Variants in NEK9 observed in about 807,000 individuals in gnomAD.
NEK9 encodes the protein serine/threonine-protein kinase Nek9.
A neutral mutation model predicts 123.4 loss-of-function variants in NEK9; 75 were observed. The ratio of observed to expected loss-of-function variants is 0.61; its 90% CI spans 0.50 to 0.74. NEK9 has a LOEUF of 0.74. Among genes scored for constraint, NEK9 ranks in the 30% least tolerant of loss-of-function variants. The pLI, the probability that NEK9 is intolerant of heterozygous loss-of-function variation, is 0.00. For synonymous variants in NEK9, 438 were observed against 458.7 expected (o/e 0.95, Z 0.58); for missense variants, 952 against 1,214.4 (o/e 0.78, Z 3.21).
chr14:75,103,233 AATTTGCTAAC>A (rs1424164422), intron 14 of NEK9, among the ~76,000 whole-genome samples: 1 of 152,108 alleles, frequency 6.6e-6, no homozygotes, highest in Non-Finnish European at 1.5e-5. Flanking sequence ...ATCAGTGGTG[AATTTGCTAAC>A]ATTTTTGAAG....
intron 12 of NEK9, 156 bp from the exon 13 acceptor site, chr14:75,106,152 G>C (rs1247131554): frequency 1.5e-6 from 1 of 682,330 alleles, no homozygotes; most frequent in Non-Finnish European, 2.6e-6. Context: ...TCAGAAGTTC[G>C]AGCGAGACAA....
chr14:75,109,646 G>C, intron 10 of NEK9, 39 bp downstream of exon 10: 1 of 1,572,298 alleles, frequency 6.4e-7, no homozygotes, highest in South Asian at 1.1e-5. Context: ...AAACAATTAG[G>C]CTTACAGCAC....
chr14:75,117,162 T>C (rs774093557), intron 6 of NEK9, 33 bp downstream of exon 6: 1 of 1,603,004 alleles, frequency 6.2e-7, no homozygotes, highest in East Asian at 2.2e-5. Context: ...TGCAACCTGC[T>C]AAATGCAATA....
chr14:75,088,713 CTA>C, intron 19 of NEK9, 72 bp from the exon 20 acceptor site: 3 of 1,453,958 alleles, frequency 2.1e-6, no homozygotes, highest in South Asian at 1.3e-5. Context: ...CTTCTTTTTG[CTA>C]TAGTTTTCCC....
At chr14:75,111,162 C>T (rs952270998) in intron 8 of NEK9, among the ~76,000 whole-genome samples, 4 of 152,206 alleles carry the variant, frequency 2.6e-5, no homozygotes, top group Admixed American at 2.6e-4. Flanking sequence ...ATCTTTTGCA[C>T]TACCTCTTGA....
chr14:75,120,524 A>C lies in NEK9; in HGVS notation c.510T>G (p.Ala170=), dbSNP rs757808698. The C allele has an allele frequency of 6.2e-7, 1 of 1,612,290 alleles. No individual in the cohort carries two copies. The highest frequency in any genetic ancestry group is 8.5e-7 in the Non-Finnish European group (1 of 1,178,686). ...IVSAVSCIHK[A]GILHRDIKTL... Reference sequence around the variant, plus strand: ...TTACTTCTTACCTATGAAGGATTCCAGCTTTATGGATGCAGCTCACTGCTG... The same window carrying C: ...TTACTTCTTACCTATGAAGGATTCCCGCTTTATGGATGCAGCTCACTGCTG... The change falls in exon 4 of 22, where the codon GCT becomes GCG. Residue 170 remains alanine (A), a synonymous_variant. Coordinates refer to ENST00000238616, the MANE Select transcript of NEK9 (RefSeq NM_033116.6).
intron 16 of NEK9, among the ~76,000 whole-genome samples, chr14:75,100,712 A>G (rs1458558549): frequency 3.9e-5 from 6 of 152,356 alleles, no homozygotes; most frequent in East Asian, 1.9e-4. Context: ...AATAATTCTT[A>G]TAACATTTTA....
intron 18 of NEK9, among the ~76,000 whole-genome samples, chr14:75,092,634 A>T (rs1020081548): frequency 6.6e-6 from 1 of 152,218 alleles, no homozygotes; most frequent in Non-Finnish European, 1.5e-5. Flanking sequence ...TTATAATATA[A>T]TGGCTGATTC....
At chr14:75,118,492 A>T (rs1419201603) in intron 5 of NEK9, among the ~76,000 whole-genome samples, 6 of 152,220 alleles carry the variant, frequency 3.9e-5, no homozygotes, top group Admixed American at 3.9e-4. Context: ...ATTCAAAGGA[A>T]AAACAAAGAG....
chr14:75,100,166 G>T (rs1364432688), intron 16 of NEK9, among the ~76,000 whole-genome samples: 2 of 79,856 alleles, frequency 2.5e-5, no homozygotes, highest in African/African-American at 9.8e-5. Flanking sequence ...AAAAAAAAAG[G>T]CCAGGCACAA....
chr14:75,117,081 A>G (rs1427079822), intron 6 of NEK9, 114 bp downstream of exon 6: 1 of 1,231,046 alleles, frequency 8.1e-7, no homozygotes, highest in East Asian at 2.5e-5. Flanking sequence ...TTGTACCTGA[A>G]TACAGGTTAT....
Position 75,091,451 on chromosome 14 carries a change from C to A in NEK9, c.2261G>T (p.Gly754Val), listed in dbSNP as rs1357504530. Residue 754 changes from glycine (G) to valine (V), a missense_variant, in exon 19 of 22, where the codon GGC (glycine) becomes GTC (valine). Transcript: ENST00000238616. ...TTCTTCACCACCGCCGCCCCCGCCGCCTCCTCCCGGGCTAGAGCTCTGAAA... is the reference window on the plus strand; with the variant it reads ...TTCTTCACCACCGCCGCCCCCGCCGACTCCTCCCGGGCTAGAGCTCTGAAA... Reference protein sequence around the residue: ...TVFQSSSPGGGGGGGGGEEED... With the variant: ...TVFQSSSPGGVGGGGGGEEED... The A allele has an allele frequency of 6.2e-7, 1 of 1,603,006 alleles. No individual in the cohort carries two copies. The highest frequency in any genetic ancestry group is 1.1e-5 in the South Asian group (1 of 88,838).
chr14:75,112,154 G>A (rs994347095), intron 8 of NEK9, among the ~76,000 whole-genome samples: 1 of 152,144 alleles, frequency 6.6e-6, no homozygotes, highest in Non-Finnish European at 1.5e-5. Context: ...TGATGAAACA[G>A]CAAATATGCA....
At chr14:75,113,059 CT>C (rs1250084371) in intron 8 of NEK9, among the ~76,000 whole-genome samples, 1 of 152,174 alleles carries the variant, frequency 6.6e-6, no homozygotes, top group Non-Finnish European at 1.5e-5. Context: ...ACCCCTCTTC[CT>C]TACTGCACTC....
At chr14:75,095,560 T>C (rs1319297458) in intron 17 of NEK9, 129 bp from the exon 18 acceptor site, 1 of 559,890 alleles carries the variant, frequency 1.8e-6, no homozygotes, top group Non-Finnish European at 3.2e-6. Flanking sequence ...CTTACAGTTT[T>C]AGAAATTAGT....
At chr14:75,122,294 T>C (rs1454141221) in intron 2 of NEK9, among the ~76,000 whole-genome samples, 1 of 152,232 alleles carries the variant, frequency 6.6e-6, no homozygotes, top group Non-Finnish European at 1.5e-5. Context: ...GTATATGGCA[T>C]TGATCACCAA....
Position 75,126,776 on chromosome 14 carries a change from T to C in NEK9, c.146A>G (p.Glu49Gly). ...RAGGGAAEQE[E>G]LHYIPIRVLG... ...GACGCGGATGGGGATGTAGTGCAGTTCCTCCTGCTCCGCCGCGCCGCCGCC... is the reference window on the plus strand; with the variant it reads ...GACGCGGATGGGGATGTAGTGCAGTCCCTCCTGCTCCGCCGCGCCGCCGCC... The change falls in exon 1 of 22, where the codon GAA (glutamate) becomes GGA (glycine). Residue 49 changes from glutamate to glycine, a missense_variant. By Grantham distance (98) the Glu-to-Gly change is moderately conservative. Around this residue, in one of 4 missense-constraint regions of NEK9, gnomAD observed 120 missense variants for 97.6 expected, o/e 1.23. Transcript: ENST00000238616. 1 of 1,530,508 alleles carries C rather than the reference T, an allele frequency of 6.5e-7. No individual in the cohort carries two copies. Among genetic ancestry groups the C allele is most frequent in the Non-Finnish European group, 8.8e-7 (1 of 1,139,698 alleles). 94.8% of individuals were successfully genotyped at this position (1,530,508 alleles called of 1,614,324 possible).
chr14:75,088,364 A>G, intron 20 of NEK9, 116 bp downstream of exon 20: 1 of 960,210 alleles, frequency 1.0e-6, no homozygotes, highest in African/African-American at 1.6e-5. Context: ...TAGACAGTAT[A>G]ATGAGTTGAT....
chr14:75,120,775 A>T (rs1594852513), intron 3 of NEK9, 195 bp from the exon 4 acceptor site: 3 of 586,118 alleles, frequency 5.1e-6, no homozygotes, highest in Non-Finnish European at 6.0e-6. Context: ...CAGGTTCCTC[A>T]TAAAATAGTT....
Sources: gnomAD v4.1 joint callset for allele counts (sites outside exome capture counted in the v4.1 genomes callset) on GRCh38, gnomAD v4.1.1 for gene constraint, gnomAD v4.1.1 regional missense constraint, MANE v1.5 for transcripts, NCBI Gene and HGNC (gene_info 2026-07-23, HGNC 2026-07-21) for gene names.